The following SHISA9 variants were observed in gnomAD, a reference collection of about 807,000 sequenced individuals.
The protein encoded by SHISA9 is protein shisa-9.
Under a neutral mutation model 38.0 loss-of-function variants are expected in SHISA9, and 13 were observed. The ratio of observed to expected loss-of-function variants is 0.34; its 90% CI spans 0.22 to 0.54. SHISA9 has a LOEUF of 0.54. Among genes scored for constraint, SHISA9 ranks in the 20% least tolerant of loss-of-function variants. SHISA9 has a pLI of 0.91. For synonymous variants in SHISA9, 275 were observed against 242.0 expected (o/e 1.14, Z -1.27); for missense variants, 538 against 575.8 (o/e 0.93, Z 0.67).
At chr16:12,985,904 C>T (rs1409790539) in intron 2 of SHISA9, among the ~76,000 whole-genome samples, 2 of 152,134 alleles carry the variant, frequency 1.3e-5, no homozygotes, top group Non-Finnish European at 2.9e-5. Context: ...CAACTCTGAA[C>T]TCATTACTCT....
chr16:13,370,273 C>T, the SHISA9 span, among the ~76,000 whole-genome samples: 13 of 152,226 alleles, frequency 8.5e-5, no homozygotes, highest in Admixed American at 8.5e-4. Context: ...CTTTTCTGCT[C>T]AGATACAAAC....
At chr16:13,114,121 T>C (rs887505269) in intron 2 of SHISA9, among the ~76,000 whole-genome samples, 9 of 152,184 alleles carry the variant, frequency 5.9e-5, no homozygotes, top group Admixed American at 2.0e-4. Flanking sequence ...GCTCCCCCAC[T>C]GCCAGTTTTC....
chr16:13,444,888 G>A, the SHISA9 span, among the ~76,000 whole-genome samples: 4 of 150,110 alleles, frequency 2.7e-5, no homozygotes, highest in East Asian at 7.9e-4. Context: ...TGCAACCTCA[G>A]CTCACTGCAA....
chr16:13,037,092 A>AC (rs1260789990), intron 2 of SHISA9, among the ~76,000 whole-genome samples: 457 of 31,370 alleles, frequency 0.015, 9 homozygotes, highest in African/African-American at 0.04. Context: ...ACCACACCAC[A>AC]CACACACACA....
chr16:13,220,299 C>G (rs2051210928), intron 4 of SHISA9, among the ~76,000 whole-genome samples: 1 of 152,104 alleles, frequency 6.6e-6, no homozygotes, highest in African/African-American at 2.4e-5. Flanking sequence ...TGTGCCTCAT[C>G]CTCAAATAAG....
At chr16:13,002,877 A>G (rs1252156801) in intron 2 of SHISA9, among the ~76,000 whole-genome samples, 4 of 152,148 alleles carry the variant, frequency 2.6e-5, no homozygotes, top group Admixed American at 6.5e-5. Flanking sequence ...ATTTAGGCTC[A>G]AAGTTGCATT....
chr16:13,118,081 C>T (rs2074048279), intron 2 of SHISA9, among the ~76,000 whole-genome samples: 2 of 151,136 alleles, frequency 1.3e-5, no homozygotes, highest in Non-Finnish European at 1.5e-5. Context: ...ACTCAGGAGG[C>T]TGAGGCAGGA....
chr16:13,514,901 CATT>C, the SHISA9 span, among the ~76,000 whole-genome samples: 16 of 152,016 alleles, frequency 1.1e-4, no homozygotes, highest in Non-Finnish European at 2.1e-4. Context: ...AAAAAATACA[CATT>C]ATGTAAAAAG....
At chr16:12,964,353 A>G (rs1369377194) in intron 2 of SHISA9, among the ~76,000 whole-genome samples, 2 of 151,368 alleles carry the variant, frequency 1.3e-5, no homozygotes, top group Admixed American at 1.3e-4. Flanking sequence ...CACAGGGGTG[A>G]TGGTGTATCA....
At chr16:13,409,313 T>A in the SHISA9 span, among the ~76,000 whole-genome samples, 9 of 152,288 alleles carry the variant, frequency 5.9e-5, no homozygotes, top group East Asian at 1.4e-3. Context: ...TGTGACCCAA[T>A]TTTTCCAGGA....
the SHISA9 span, among the ~76,000 whole-genome samples, chr16:13,352,909 G>T: frequency 6.6e-6 from 1 of 152,020 alleles, no homozygotes; most frequent in Non-Finnish European, 1.5e-5. Context: ...CTTTTGTGGT[G>T]GAATGTCATC....
chr16:13,015,904 T>TTCTTTCTTTCTTTCTTTCTTTCTC (rs1416111724), intron 2 of SHISA9, among the ~76,000 whole-genome samples: 37 of 120,180 alleles, frequency 3.1e-4, no homozygotes, highest in Non-Finnish European at 5.5e-4. Flanking sequence ...CTTTCTTTCT[T>TTCTTTCTTTCTTTCTTTCTTTCTC]TCTTTTCTTT....
intron 2 of SHISA9, among the ~76,000 whole-genome samples, chr16:13,119,107 ATCCGCCCACT>A (rs2074060411): frequency 6.6e-6 from 1 of 151,956 alleles, no homozygotes; most frequent in Admixed American, 6.6e-5. Flanking sequence ...ACCTCAGGTG[ATCCGCCCACT>A]TCGGCCTCCC....
At chr16:13,043,089 T>C (rs972348532) in intron 2 of SHISA9, among the ~76,000 whole-genome samples, 3 of 152,142 alleles carry the variant, frequency 2.0e-5, no homozygotes, top group African/African-American at 7.2e-5. Flanking sequence ...CATGGGATGC[T>C]CTGCTCCATG....
intron 2 of SHISA9, among the ~76,000 whole-genome samples, chr16:13,149,916 C>T (rs1431603216): frequency 7.1e-6 from 1 of 140,964 alleles, no homozygotes; most frequent in African/African-American, 2.7e-5. Context: ...TAGAGCAATA[C>T]TCCATCTCAA....
In SHISA9 at chr16:13,130,459, A is replaced by G. The variant is rs1038725248; in HGVS notation, c.692-72935A>G. The stretch of plus-strand genomic sequence containing the variant: ...TTATGTTTTGTTTTTGCTACATGAT[A>G]CCATCCCTATCATTTAATATTGATA... On this transcript the variant is annotated intron_variant, in intron 2 of 4. Transcript: ENST00000558583. 3.9e-5 allele frequency among the ~76,000 whole-genome samples: 6 copies of G among 152,230 alleles called. No homozygotes were observed. The South Asian group carries it at 6.2e-4, about 16-fold the overall frequency.
intron 2 of SHISA9, among the ~76,000 whole-genome samples, chr16:13,170,422 A>T (rs2050676003): frequency 6.6e-6 from 1 of 152,062 alleles, no homozygotes; most frequent in African/African-American, 2.4e-5. Context: ...TGGGTAATTT[A>T]TAAAGAGAAT....
At chr16:13,498,099 G>A in the SHISA9 span, among the ~76,000 whole-genome samples, 1 of 151,994 alleles carries the variant, frequency 6.6e-6, no homozygotes, top group Non-Finnish European at 1.5e-5. Context: ...AAAGTTTAAT[G>A]TATTTAGCAT....
At chr16:13,130,289 T>C (rs1438893379) in intron 2 of SHISA9, among the ~76,000 whole-genome samples, 1 of 152,202 alleles carries the variant, frequency 6.6e-6, no homozygotes. Context: ...CCTTGGTTCA[T>C]ATTATTCTCA....
Sources: gnomAD v4.1 joint callset for allele counts (sites outside exome capture counted in the v4.1 genomes callset) on GRCh38, gnomAD v4.1.1 for gene constraint, MANE v1.5 for transcripts, NCBI Gene and HGNC (gene_info 2026-07-23, HGNC 2026-07-21) for gene names.